The following KSR2 variants were observed in gnomAD, a reference collection of about 807,000 sequenced individuals.
KSR2 encodes the protein kinase suppressor of ras 2.
KSR2 carries 25 observed loss-of-function variants against 107.8 expected under a neutral mutation model. The ratio of observed to expected loss-of-function variants is 0.23; its 90% CI spans 0.17 to 0.32. The LOEUF (loss-of-function observed/expected upper bound fraction) is 0.32, where lower values mean the gene tolerates loss of function less well. Among genes scored for constraint, KSR2 ranks in the 10% least tolerant of loss-of-function variants. The pLI is 1.00. For synonymous variants in KSR2, 480 were observed against 507.0 expected (o/e 0.95, Z 0.71); for missense variants, 887 against 1,268.9 (o/e 0.70, Z 4.57).
At position 117,454,565 on chromosome 12, in the gene KSR2, GC is replaced by G. The variant is rs1393931963; in HGVS notation, c.*12633del. 6.6e-6 allele frequency: 1 copy of G among 152,210 alleles called. No individual in the cohort carries two copies. The highest frequency in any genetic ancestry group is 2.4e-5 in the African/African-American group (1 of 41,432). 9.4% of individuals were successfully genotyped at this position (152,210 alleles called of 1,614,324 possible). A position where few individuals can be genotyped will look rare whatever the true frequency, so the allele number is the denominator to read the frequency against. On this transcript the variant is annotated 3_prime_UTR_variant, in exon 20 of 20. Coordinates refer to ENST00000339824, the MANE Select transcript of KSR2 (RefSeq NM_173598.6). ...GGCTGTATTGCAGGCTTGGCCTGTG[GC>G]CCACTATGGCCCCTAGGTCTTCTTC... is the stretch of plus-strand genomic sequence containing the variant.
chr12:117,844,647 C>A (rs2137177551), intron 3 of KSR2, among the ~76,000 whole-genome samples: 1 of 152,268 alleles, frequency 6.6e-6, no homozygotes, highest in East Asian at 1.9e-4. Flanking sequence ...CATATGCAAC[C>A]TATGAAGTAA....
At chr12:117,468,011 T>C (rs1345701350) in intron 19 of KSR2, among the ~76,000 whole-genome samples, 2 of 150,986 alleles carry the variant, frequency 1.3e-5, no homozygotes, top group Admixed American at 6.6e-5. Context: ...TTTAAGTCCC[T>C]CTCTTCAGTT....
At chr12:117,954,850 T>G (rs1896460426) in intron 1 of KSR2, among the ~76,000 whole-genome samples, 1 of 151,996 alleles carries the variant, frequency 6.6e-6, no homozygotes, top group Non-Finnish European at 1.5e-5. Flanking sequence ...ACCCCATCTC[T>G]ACTAAAAATA....
At position 117,462,233 on chromosome 12, in the gene KSR2, C is replaced by CAAT. The variant is rs1870934005; in HGVS notation, c.*4965_*4966insATT. On this transcript the variant is annotated 3_prime_UTR_variant, in exon 20 of 20. Coordinates refer to ENST00000339824, the MANE Select transcript of KSR2 (RefSeq NM_173598.6). ...AGGGTGTTATAAGTTGTGGTGTCCC[C>CAAT]AACAAAAAAAAAAAAAAAAAAAAAA... 1 of 16,916 alleles carries CAAT rather than the reference C, an allele frequency of 5.9e-5. No individual in the cohort carries two copies. The highest frequency in any genetic ancestry group is 3.1e-4 in the African/African-American group (1 of 3,242). The allele number at this position is 16,916 out of a possible 1,614,324, so 1.0% of individuals were successfully genotyped here.
At chr12:117,729,235 G>A (rs1272646678) in intron 4 of KSR2, among the ~76,000 whole-genome samples, 3 of 151,842 alleles carry the variant, frequency 2.0e-5, no homozygotes, top group South Asian at 2.1e-4. Flanking sequence ...GCTTCTGCGT[G>A]GAATTCCCAG....
intron 3 of KSR2, among the ~76,000 whole-genome samples, chr12:117,772,319 AACAC>A (rs1889513666): frequency 1.5e-5 from 1 of 66,108 alleles, no homozygotes; most frequent in African/African-American, 6.1e-5. Context: ...AAGACGCACA[AACAC>A]ACACTCACAC....
rs544760333 is a variant in KSR2, at chr12:117,767,366, G to A, written c.473-5842C>T. On this transcript the variant is annotated intron_variant, in intron 3 of 19. Coordinates refer to ENST00000339824, the MANE Select transcript of KSR2 (RefSeq NM_173598.6). Reference sequence around the variant, plus strand: ...GCAGGAGAATGGCGTGAACCCGGGAGGCGGAGGTTGCAGTGAGCCGAGATC... The same window carrying A: ...GCAGGAGAATGGCGTGAACCCGGGAAGCGGAGGTTGCAGTGAGCCGAGATC... Among the ~76,000 whole-genome samples, 16 of 151,520 alleles carry A rather than the reference G, an allele frequency of 1.1e-4. No homozygotes were observed. In the East Asian group the frequency reaches 3.2e-3, roughly 30 times the overall value.
At chr12:117,694,845 C>CAT (rs1555228657) in intron 4 of KSR2, among the ~76,000 whole-genome samples, 2 of 99,104 alleles carry the variant, frequency 2.0e-5, no homozygotes, top group Non-Finnish European at 3.9e-5. Context: ...TTGTATGATT[C>CAT]TTTTTTTTTT....
chr12:117,652,042 A>C (rs150889609), intron 5 of KSR2, among the ~76,000 whole-genome samples: 1 of 152,340 alleles, frequency 6.6e-6, no homozygotes, highest in African/African-American at 2.4e-5. Context: ...TCTGACTCTA[A>C]GTGAAGTAAC....
chr12:117,696,468 T>C (rs61209666), intron 4 of KSR2, among the ~76,000 whole-genome samples: 17,593 of 151,612 alleles, frequency 0.12, 1,539 homozygotes, highest in East Asian at 0.32. Context: ...CACTGCACCT[T>C]AGATTTCCCT....
At chr12:117,810,781 T>C (rs1428094801) in intron 3 of KSR2, among the ~76,000 whole-genome samples, 1 of 152,200 alleles carries the variant, frequency 6.6e-6, no homozygotes, top group Admixed American at 6.5e-5. Flanking sequence ...TTTGTTTTGT[T>C]TTGTTTTGTT....
chr12:117,834,124 G>A (rs759312843), intron 3 of KSR2, among the ~76,000 whole-genome samples: 2 of 150,730 alleles, frequency 1.3e-5, no homozygotes, highest in African/African-American at 4.9e-5. Context: ...CTGGGCAAGA[G>A]AGTGAGACCC....
At chr12:117,816,499 T>C (rs1891373432) in intron 3 of KSR2, among the ~76,000 whole-genome samples, 1 of 152,226 alleles carries the variant, frequency 6.6e-6, no homozygotes, top group South Asian at 2.1e-4. Context: ...TTTGTTGCAA[T>C]AATATTTTAC....
intron 1 of KSR2, among the ~76,000 whole-genome samples, chr12:117,883,576 A>G (rs1166751640): frequency 6.6e-6 from 1 of 152,202 alleles, no homozygotes; most frequent in Non-Finnish European, 1.5e-5. Flanking sequence ...GTCTCCCTAC[A>G]GAGGGGATCA....
chr12:117,749,339 T>C (rs887398907), intron 4 of KSR2, among the ~76,000 whole-genome samples: 1 of 151,738 alleles, frequency 6.6e-6, no homozygotes, highest in South Asian at 2.1e-4. Flanking sequence ...TTATTTGCAG[T>C]CACAAGGCTA....
intron 4 of KSR2, among the ~76,000 whole-genome samples, chr12:117,757,343 C>T (rs905981464): frequency 2.0e-5 from 3 of 152,290 alleles, no homozygotes; most frequent in South Asian, 2.1e-4. Context: ...TTGCTTCTTA[C>T]GGATGAGCAA....
chr12:117,482,459 G>A (rs1442761476), intron 16 of KSR2, among the ~76,000 whole-genome samples: 2 of 152,188 alleles, frequency 1.3e-5, no homozygotes, highest in African/African-American at 4.8e-5. Context: ...AGTCATTGAT[G>A]GCTACTTGTG....
At chr12:117,764,786 C>A (rs1178851237) in intron 3 of KSR2, among the ~76,000 whole-genome samples, 3 of 152,098 alleles carry the variant, frequency 2.0e-5, no homozygotes, top group African/African-American at 7.2e-5. Flanking sequence ...ACTCATCTAA[C>A]CTCTCTAAGT....
chr12:117,624,476 G>A (rs1325579726), intron 5 of KSR2, among the ~76,000 whole-genome samples: 1 of 152,164 alleles, frequency 6.6e-6, no homozygotes, highest in Admixed American at 6.5e-5. Context: ...ATTAAGTACG[G>A]AATACTTTCC....
Sources: gnomAD v4.1 joint callset for allele counts (sites outside exome capture counted in the v4.1 genomes callset) on GRCh38, gnomAD v4.1.1 for gene constraint, MANE v1.5 for transcripts, NCBI Gene and HGNC (gene_info 2026-07-23, HGNC 2026-07-21) for gene names.